Variants in NTM observed in about 807,000 individuals in gnomAD.
The protein encoded by NTM is neurotrimin.
NTM carries 13 observed loss-of-function variants against 42.1 expected under a neutral mutation model. That is an observed-to-expected ratio of 0.31 (90% CI 0.20 to 0.49). The LOEUF (loss-of-function observed/expected upper bound fraction) is 0.49, where lower values mean the gene tolerates loss of function less well. Among genes scored for constraint, NTM ranks in the 20% least tolerant of loss-of-function variants. The probability of loss-of-function intolerance (pLI) is 0.99; values close to 1 mark genes in which losing one functional copy is unlikely to be tolerated. For synonymous variants in NTM, 187 were observed against 179.2 expected, an observed-to-expected ratio of 1.04 and a Z score of -0.35; for missense variants, 373 against 452.8, an observed-to-expected ratio of 0.82 and a Z score of 1.60.
In NTM at chr11:131,890,168, C is replaced by A. The variant is rs75578240; in HGVS notation, c.83-21396C>A. On this transcript the variant is annotated intron_variant, in intron 1 of 8. Coordinates refer to ENST00000683400, the MANE Select transcript of NTM (RefSeq NM_001352005.2). Reference sequence around the variant, plus strand: ...TCTCTCTCTCTCTGTCTCTCTCTCTCTCTCTCTCTGTCTCTCTCTCTCTCT... The same window carrying A: ...TCTCTCTCTCTCTGTCTCTCTCTCTATCTCTCTCTGTCTCTCTCTCTCTCT... Among the ~76,000 whole-genome samples, 401 of 59,614 alleles carry A rather than the reference C, an allele frequency of 6.7e-3. 2 individuals carry two copies. The highest frequency in any genetic ancestry group is 0.029 in the African/African-American group (372 of 12,758). The allele number at this position is 59,614 out of a possible 152,430, so 39.1% of individuals were successfully genotyped here. A position where few individuals can be genotyped will look rare whatever the true frequency, so the allele number is the denominator to read the frequency against.
intron 1 of NTM, chr11:131,581,965 T>G (rs559206858): frequency 6.6e-6 from 1 of 152,288 alleles, no homozygotes; most frequent in African/African-American, 2.4e-5. Flanking sequence ...GAGGGTGCCC[T>G]GCTCACAGAG....
intron 4 of NTM, among the ~76,000 whole-genome samples, chr11:132,252,875 A>G (rs950846793): frequency 1.3e-5 from 2 of 152,198 alleles, no homozygotes; most frequent in Admixed American, 6.5e-5. Flanking sequence ...TCCATTTCCC[A>G]TTTGGAGATC....
Position 132,242,135 on chromosome 11 carries a change from T to C in NTM, c.526+29988T>C, listed in dbSNP as rs144792553. On this transcript the variant is annotated intron_variant, in intron 4 of 8. Transcript: ENST00000683400. The stretch of plus-strand genomic sequence containing the variant: ...GCTAATCGGAAGAATTCAAGAGCCT[T>C]CAGTAGGCCTCTCAGTCCTTAGCCT... Among the ~76,000 whole-genome samples the C allele has an allele frequency of 6.5e-3, 991 of 152,350 alleles. 16 individuals are homozygous for C. The highest frequency in any genetic ancestry group is 0.023 in the African/African-American group (941 of 41,572).
At chr11:131,404,005 C>T (rs973109714) in intron 1 of NTM, among the ~76,000 whole-genome samples, 3 of 152,166 alleles carry the variant, frequency 2.0e-5, no homozygotes, top group Non-Finnish European at 1.5e-5. Context: ...TCCACTCGGT[C>T]ACTTTCATAA....
intron 1 of NTM, among the ~76,000 whole-genome samples, chr11:131,399,085 A>G (rs1944854745): frequency 6.6e-6 from 1 of 152,210 alleles, no homozygotes; most frequent in African/African-American, 2.4e-5. Flanking sequence ...GAAGCTGCCG[A>G]CAACACTTCA....
intron 1 of NTM, among the ~76,000 whole-genome samples, chr11:131,546,977 C>T (rs185482166): frequency 4.6e-5 from 7 of 152,256 alleles, no homozygotes; most frequent in African/African-American, 1.4e-4. Context: ...TCCATCATGC[C>T]TCTGAGTTAC....
At position 131,668,185 on chromosome 11, in the gene NTM, G is replaced by A. The variant is rs147087770; in HGVS notation, c.83-243379G>A. Among the ~76,000 whole-genome samples, 26 of 152,212 alleles carry A rather than the reference G, an allele frequency of 1.7e-4. No individual in the cohort carries two copies. The East Asian group carries it at 2.1e-3, about 12-fold the overall frequency. ...TAGTGTCTATATTATATCACCTTAC[G>A]TTCTTGTGGCAGAGGACTTTGGAAG... On this transcript the variant is annotated intron_variant, in intron 1 of 8. Transcript: ENST00000683400.
chr11:132,288,209 G>A (rs2094322493), intron 4 of NTM, among the ~76,000 whole-genome samples: 1 of 152,172 alleles, frequency 6.6e-6, no homozygotes, highest in Non-Finnish European at 1.5e-5. Context: ...TAGTGGAATA[G>A]AAAGCCAAGT....
Position 132,085,007 on chromosome 11 carries a change from C to G in NTM, c.168-61275C>G, listed in dbSNP as rs146714068. Among the ~76,000 whole-genome samples, 554 of 152,214 alleles carry G rather than the reference C, an allele frequency of 3.6e-3. 3 individuals carry two copies. Among genetic ancestry groups the G allele is most frequent in the African/African-American group, 0.013 (523 of 41,544 alleles). On this transcript the variant is annotated intron_variant, in intron 2 of 8. Coordinates refer to ENST00000683400, the MANE Select transcript of NTM (RefSeq NM_001352005.2). ...GAGTGGATTAGTGCCTTAAGAAAAC[C>G]TTTGTGCTTTTATTTCAATGCTCAA...
At chr11:132,185,079 G>C (rs7119166) in intron 3 of NTM, among the ~76,000 whole-genome samples, 221 of 152,144 alleles carry the variant, frequency 1.5e-3, no homozygotes, top group Middle Eastern at 0.014. Context: ...TGAAATTGTC[G>C]TATCTAGGCT....
chr11:131,430,558 G>A (rs897979393), intron 1 of NTM, among the ~76,000 whole-genome samples: 3 of 152,192 alleles, frequency 2.0e-5, no homozygotes, highest in African/African-American at 7.2e-5. Flanking sequence ...TTAGGAAAAC[G>A]AGAGGAAGCC....
intron 1 of NTM, among the ~76,000 whole-genome samples, chr11:131,694,098 C>T (rs75821693): frequency 0.013 from 2,014 of 152,316 alleles, 44 homozygotes; most frequent in African/African-American, 0.045. Flanking sequence ...GTTCTCCTCC[C>T]TGCCAAGGTT....
At chr11:132,069,259 C>A (rs1482101365) in intron 2 of NTM, among the ~76,000 whole-genome samples, 1 of 149,230 alleles carries the variant, frequency 6.7e-6, no homozygotes, top group Non-Finnish European at 1.5e-5. Context: ...TCACACTGAC[C>A]ATCACAGATT....
intron 1 of NTM, among the ~76,000 whole-genome samples, chr11:131,889,042 A>G (rs2050842174): frequency 6.6e-6 from 1 of 152,024 alleles, no homozygotes; most frequent in Non-Finnish European, 1.5e-5. Flanking sequence ...GCTTGGAGTC[A>G]CCCACTTCCA....
rs2047016938 is a variant in NTM, at chr11:131,502,913, AT to A, written c.82+132026del. The A allele has an allele frequency of 2.0e-5, 3 of 152,336 alleles. No individual in the cohort carries two copies. The South Asian group carries it at 6.2e-4, about 32-fold the overall frequency. The allele number at this position is 152,336 out of a possible 1,614,324, so 9.4% of individuals were successfully genotyped here. A position where few individuals can be genotyped will look rare whatever the true frequency, so the allele number is the denominator to read the frequency against. ...TGGCAGGGCAGAAGTCATCATATCC[AT>A]GGCGAGATGTGATTCCCTCTGGCTG... is the stretch of plus-strand genomic sequence containing the variant. On this transcript the variant is annotated intron_variant, in intron 1 of 8. Transcript: ENST00000683400.
chr11:131,384,915 A>G (rs901805830), intron 1 of NTM, among the ~76,000 whole-genome samples: 6 of 152,256 alleles, frequency 3.9e-5, no homozygotes, highest in African/African-American at 1.4e-4. Context: ...GGTGTTCCCC[A>G]AACTCAGGCA....
At chr11:131,721,190 T>A (rs771918116) in intron 1 of NTM, among the ~76,000 whole-genome samples, 4 of 152,038 alleles carry the variant, frequency 2.6e-5, no homozygotes, top group Non-Finnish European at 5.9e-5. Context: ...GTAACTCAGC[T>A]AATTAGTAGC....
rs535638060 is a variant in NTM at position 132,265,029 on chromosome 11, T to C, written c.527-42660T>C. Among the ~76,000 whole-genome samples the C allele has an allele frequency of 2.0e-5, 3 of 152,314 alleles. No individual in the cohort carries two copies. The South Asian group carries it at 6.2e-4, about 32-fold the overall frequency. On this transcript the variant is annotated intron_variant, in intron 4 of 8. Transcript: ENST00000683400. ...ATTTGGGGATGAAGGTTCCACCACATGGAATTTGAAGGACACATTCAAACC... is the reference window on the plus strand; with the variant it reads ...ATTTGGGGATGAAGGTTCCACCACACGGAATTTGAAGGACACATTCAAACC...
intron 4 of NTM, among the ~76,000 whole-genome samples, chr11:132,241,226 G>A (rs1343115863): frequency 6.6e-6 from 1 of 152,098 alleles, no homozygotes; most frequent in Non-Finnish European, 1.5e-5. Flanking sequence ...TACTCAACCT[G>A]TATTAGAAAA....
Sources: gnomAD v4.1 joint callset for allele counts (sites outside exome capture counted in the v4.1 genomes callset) on GRCh38, gnomAD v4.1.1 for gene constraint, MANE v1.5 for transcripts, NCBI Gene and HGNC (gene_info 2026-07-23, HGNC 2026-07-21) for gene names.